Variants in PHYKPL observed in about 807,000 individuals in gnomAD.
PHYKPL encodes 5-phosphohydroxy-L-lysine phospho-lyase.
A neutral mutation model predicts 51.3 loss-of-function variants in PHYKPL; 42 were observed. The observed-to-expected ratio is 0.82, with a 90% CI of 0.64 to 1.06. The LOEUF is 1.06. Ranked by LOEUF, PHYKPL falls within the 50% of genes least tolerant of loss-of-function variation. PHYKPL has a pLI of 0.00. For missense variants in PHYKPL, 655 were observed against 586.6 expected (o/e 1.12, Z -1.20); for synonymous variants, 264 against 236.0 (o/e 1.12, Z -1.09).
At chr5:178,210,568 A>G in intron 12 of PHYKPL, 1 of 1,614,164 alleles carries the variant, frequency 6.2e-7, no homozygotes, top group Non-Finnish European at 8.5e-7. Context: ...GGTAGTACAA[A>G]CTACGGCAAG....
At position 178,225,353 on chromosome 5, in the gene PHYKPL, A is replaced by G; in HGVS notation, c.413+2T>C. The G allele has an allele frequency of 4.3e-6, 7 of 1,614,184 alleles. No homozygotes were observed. Among genetic ancestry groups the G allele is most frequent in the Non-Finnish European group, 5.9e-6 (7 of 1,180,036 alleles). Reference sequence around the variant, plus strand: ...AACGGTAGGGCTGTGAGTTGCACTTACTGATCTAATACCACCACGTCCTGG... The same window carrying G: ...AACGGTAGGGCTGTGAGTTGCACTTGCTGATCTAATACCACCACGTCCTGG... On this transcript the variant is annotated splice_donor_variant, in intron 4 of 12. Transcript: ENST00000308158. LOFTEE classifies it high-confidence loss of function.
chr5:178,207,367 A>T, downstream of PHYKPL: 1 of 960,600 alleles, frequency 1.0e-6, no homozygotes, highest in Non-Finnish European at 1.5e-6. Flanking sequence ...TGCTGCCCTG[A>T]TTGGGGCAGT....
In PHYKPL at chr5:178,214,860, C is replaced by G; in HGVS notation, c.1108G>C (p.Asp370His). Residue 370 changes from aspartate to histidine, a missense_variant, in exon 10 of 13, where the codon GAT becomes CAT. By Grantham distance (81) the Asp-to-His change is moderately conservative (BLOSUM62 -1). Coordinates refer to ENST00000308158, the MANE Select transcript of PHYKPL (RefSeq NM_153373.4). ...VRGVGLFIGV[D>H]LIKDEATRTP... ...CTTGTGGCCTCATCTTTGATCAGAT[C>G]CACACCAATGAAGAGCCCAACACCC... 1 of 1,613,782 alleles carries G rather than the reference C, an allele frequency of 6.2e-7. No individual in the cohort carries two copies. The highest frequency in any genetic ancestry group is 8.5e-7 in the Non-Finnish European group (1 of 1,180,012).
At chr5:178,222,117 T>C (rs1299724227) in intron 8 of PHYKPL, among the ~76,000 whole-genome samples, 3 of 152,220 alleles carry the variant, frequency 2.0e-5, no homozygotes, top group Non-Finnish European at 4.4e-5. Context: ...GGGACTCCTA[T>C]TTTTGTATAT....
At chr5:178,210,759 T>C (rs1480528636) in intron 12 of PHYKPL, 1 of 700,606 alleles carries the variant, frequency 1.4e-6, no homozygotes, top group Non-Finnish European at 2.5e-6. Flanking sequence ...ATTTCCCCCA[T>C]GGAAATCACT....
chr5:178,209,739 C>T (rs758841428), intron 12 of PHYKPL, among the ~76,000 whole-genome samples: 6 of 152,100 alleles, frequency 3.9e-5, no homozygotes, highest in Non-Finnish European at 8.8e-5. Context: ...GAGTCTGGTA[C>T]ACCTGTGAGC....
At chr5:178,209,377 G>A in intron 12 of PHYKPL, 2 of 1,614,218 alleles carry the variant, frequency 1.2e-6, no homozygotes, top group South Asian at 1.1e-5. Context: ...AGCAGCAGCA[G>A]TATGGCTCTG....
At chr5:178,225,537 T>C (rs967797775) in intron 3 of PHYKPL, 108 bp from the exon 4 acceptor site, 52 of 999,554 alleles carry the variant, frequency 5.2e-5, no homozygotes, top group Non-Finnish European at 8.0e-5. Flanking sequence ...TCTCAGGACA[T>C]CAACTAGTCA....
chr5:178,223,315 C>T, intron 6 of PHYKPL: 1 of 454,794 alleles, frequency 2.2e-6, no homozygotes. Context: ...TCTGCCTGGA[C>T]ATGCCTGCCT....
intron 12 of PHYKPL, chr5:178,209,493 T>C (rs761373775): frequency 2.6e-6 from 4 of 1,530,234 alleles, no homozygotes; most frequent in African/African-American, 2.7e-5. Context: ...CCTGCCTACA[T>C]GGAGCCTTCC....
intron 9 of PHYKPL, 123 bp from the exon 10 acceptor site, chr5:178,215,008 G>T: frequency 1.1e-6 from 1 of 909,684 alleles, no homozygotes; most frequent in Non-Finnish European, 1.7e-6. Context: ...CCTTCAGAAG[G>T]TGGTGAGAAT....
At chr5:178,217,463 C>T (rs938832242) in intron 8 of PHYKPL, among the ~76,000 whole-genome samples, 1 of 151,626 alleles carries the variant, frequency 6.6e-6, no homozygotes, top group South Asian at 2.1e-4. Flanking sequence ...TCAAGTGATC[C>T]GCCCACCTCA....
chr5:178,210,446 G>A (rs2913751), intron 12 of PHYKPL: 769,702 of 1,481,870 alleles, frequency 0.52, 202,054 homozygotes, highest in African/African-American at 0.67. Flanking sequence ...GAGGAAGGCA[G>A]TCTCTGCTGT....
chr5:178,215,543 G>A, intron 8 of PHYKPL, 113 bp from the exon 9 acceptor site: 5 of 1,333,890 alleles, frequency 3.7e-6, no homozygotes, highest in Non-Finnish European at 5.0e-6. Flanking sequence ...GGCAAGAGCA[G>A]AGGCCCCAAA....
At chr5:178,220,869 G>A (rs1403144784) in intron 8 of PHYKPL, among the ~76,000 whole-genome samples, 1 of 152,122 alleles carries the variant, frequency 6.6e-6, no homozygotes, top group Non-Finnish European at 1.5e-5. Flanking sequence ...AGGATTCTTA[G>A]TGATATGTTA....
chr5:178,209,366 C>A, intron 12 of PHYKPL: 2 of 1,614,122 alleles, frequency 1.2e-6, no homozygotes, highest in Non-Finnish European at 1.7e-6. Flanking sequence ...AGAAGTCTAT[C>A]AGCAGCAGCA....
intron 2 of PHYKPL, chr5:178,230,345 G>T: frequency 2.1e-6 from 1 of 486,246 alleles, no homozygotes; most frequent in Non-Finnish European, 3.7e-6. Context: ...GAAAGCCCAT[G>T]TCTTTAAGGA....
intron 12 of PHYKPL, chr5:178,210,403 T>C (rs1561672427): frequency 1.9e-6 from 3 of 1,557,522 alleles, no homozygotes; most frequent in South Asian, 1.1e-5. Flanking sequence ...GCTACTTGAT[T>C]TTGAGCCTTA....
chr5:178,226,692 A>G (rs1762350447), intron 3 of PHYKPL: 1 of 152,070 alleles, frequency 6.6e-6, no homozygotes, highest in Admixed American at 6.6e-5. Context: ...ATGGGGTGGG[A>G]CCGTCTCTGG....
Sources: allele counts gnomAD v4.1 joint callset (sites outside exome capture counted in the v4.1 genomes callset), GRCh38; gene constraint gnomAD v4.1.1; transcripts MANE v1.5; gene names NCBI Gene and HGNC (gene_info 2026-07-23, HGNC 2026-07-21).